The following TXNRD1 variants were observed in gnomAD, a reference collection of about 807,000 sequenced individuals.
TXNRD1 encodes thioredoxin reductase 1.
In TXNRD1, 57 loss-of-function variants were observed where a neutral mutation model predicts 80.3. The observed-to-expected ratio is 0.71, with a 90% CI of 0.57 to 0.89. The LOEUF is 0.89. Ranked by LOEUF, TXNRD1 falls within the 40% of genes least tolerant of loss-of-function variation. The pLI is 0.00. For missense variants in TXNRD1, 730 were observed against 803.0 expected (o/e 0.91, Z 1.10); for synonymous variants, 291 against 285.2 (o/e 1.02, Z -0.20).
intron 4 of TXNRD1, 147 bp downstream of exon 4, chr12:104,289,187 C>T: frequency 1.1e-6 from 1 of 881,708 alleles, no homozygotes; most frequent in Non-Finnish European, 1.7e-6. Flanking sequence ...CGTGGGCTAG[C>T]GCATGTGTTA....
chr12:104,313,135 C>A, intron 5 of TXNRD1, 110 bp from the exon 6 acceptor site: 2 of 742,178 alleles, frequency 2.7e-6, no homozygotes, highest in Non-Finnish European at 4.5e-6. Flanking sequence ...ATTAATTATT[C>A]GTTATGCTTT....
chr12:104,235,187 A>G (rs888711956), intron 1 of TXNRD1, among the ~76,000 whole-genome samples: 7 of 152,188 alleles, frequency 4.6e-5, no homozygotes, highest in African/African-American at 1.7e-4. Context: ...TTTTATCCCT[A>G]ATGCAGTCAG....
intron 4 of TXNRD1, among the ~76,000 whole-genome samples, chr12:104,303,516 A>T (rs1017398202): frequency 3.3e-5 from 5 of 152,076 alleles, no homozygotes; most frequent in African/African-American, 9.7e-5. Flanking sequence ...GTTTTTTTTT[A>T]AAGTGAGGTG....
At chr12:104,224,332 T>C (rs73394507) in intron 1 of TXNRD1, among the ~76,000 whole-genome samples, 7,452 of 152,136 alleles carry the variant, frequency 0.049, 222 homozygotes, top group Middle Eastern at 0.16. Context: ...GGACATATAG[T>C]GTATTGTGTA....
intron 3 of TXNRD1, among the ~76,000 whole-genome samples, chr12:104,288,303 C>T (rs947146277): frequency 2.6e-5 from 4 of 152,178 alleles, no homozygotes; most frequent in Admixed American, 2.6e-4. Context: ...ATGAATAGGC[C>T]TCATGTCAGT....
chr12:104,249,198 C>G (rs951491473), intron 1 of TXNRD1, among the ~76,000 whole-genome samples: 6 of 152,320 alleles, frequency 3.9e-5, no homozygotes, highest in Admixed American at 2.6e-4. Flanking sequence ...CTTCCTGATT[C>G]TCAGTAGGTA....
At chr12:104,315,727 TG>T (rs1404878387) in intron 6 of TXNRD1, 49 bp from the exon 7 acceptor site, 2 of 1,570,520 alleles carry the variant, frequency 1.3e-6, no homozygotes, top group Non-Finnish European at 8.7e-7. Flanking sequence ...TTTGAATGTT[TG>T]TAAGGCTTGG....
intron 3 of TXNRD1, chr12:104,287,317 C>G: frequency 1.2e-6 from 2 of 1,613,966 alleles, no homozygotes; most frequent in Non-Finnish European, 1.7e-6. Flanking sequence ...GGTTTCGACC[C>G]GGTCACACAA....
chr12:104,269,176 A>T (rs1442264004), intron 3 of TXNRD1, among the ~76,000 whole-genome samples: 4 of 152,068 alleles, frequency 2.6e-5, no homozygotes, highest in African/African-American at 7.2e-5. Flanking sequence ...AAGTGCTGGG[A>T]TTATAGGCGT....
chr12:104,340,636 G>A (rs2036291801), intron 16 of TXNRD1, among the ~76,000 whole-genome samples: 1 of 152,032 alleles, frequency 6.6e-6, no homozygotes, highest in Non-Finnish European at 1.5e-5. Flanking sequence ...CTCTTCACAT[G>A]GCCTCATCCC....
Position 104,289,991 on chromosome 12 carries a change from C to T in TXNRD1, c.414+951C>T, listed in dbSNP as rs1047367354. On this transcript the variant is annotated intron_variant, in intron 4 of 16. Coordinates refer to ENST00000525566, the MANE Select transcript of TXNRD1 (RefSeq NM_001093771.3). ...GGGAACAGGACACCTGGGTGATGTT[C>T]TATCTCACCTGTGGTAGATTACCAG... is the stretch of plus-strand genomic sequence containing the variant. Among the ~76,000 whole-genome samples, 2 of 152,230 alleles carry T rather than the reference C, an allele frequency of 1.3e-5. 1 individual carries two copies. Among genetic ancestry groups the T allele is most frequent in the African/African-American group, 4.8e-5 (2 of 41,454 alleles).
At chr12:104,292,395 C>CT (rs35461325) in intron 4 of TXNRD1, among the ~76,000 whole-genome samples, 1,858 of 146,002 alleles carry the variant, frequency 0.013, 41 homozygotes, top group African/African-American at 0.039. Flanking sequence ...GCCCCCCCGC[C>CT]TTTTTTTTTT....
intron 2 of TXNRD1, among the ~76,000 whole-genome samples, chr12:104,254,644 A>AAATATATATATATATATATATATATAT: frequency 6.4e-5 from 6 of 93,634 alleles, no homozygotes; most frequent in Admixed American, 1.3e-4. Flanking sequence ...AAAAAAAAAA[A>AAATATATATATATATATATATATATAT]ATATATATAT....
At chr12:104,309,987 C>G in intron 4 of TXNRD1, 1 of 1,536,292 alleles carries the variant, frequency 6.5e-7, no homozygotes, top group South Asian at 1.2e-5. Context: ...TCACATTGCT[C>G]CACCGCACCC....
intron 1 of TXNRD1, among the ~76,000 whole-genome samples, chr12:104,247,790 CA>C (rs1358434940): frequency 6.6e-6 from 1 of 152,148 alleles, no homozygotes; most frequent in African/African-American, 2.4e-5. Context: ...GTGCCCTTGG[CA>C]TAGATGTTAT....
At chr12:104,283,641 C>T (rs2135737202) in intron 3 of TXNRD1, among the ~76,000 whole-genome samples, 1 of 152,056 alleles carries the variant, frequency 6.6e-6, no homozygotes, top group South Asian at 2.1e-4. Context: ...GAGGCCGAGG[C>T]AGGCGGATCA....
intron 15 of TXNRD1, among the ~76,000 whole-genome samples, chr12:104,335,093 G>T (rs2036088509): frequency 6.6e-6 from 1 of 151,808 alleles, no homozygotes; most frequent in African/African-American, 2.4e-5. Flanking sequence ...TAAATCTAAT[G>T]TATTTTAAGT....
chr12:104,259,431 G>A (rs1284021886), intron 3 of TXNRD1, among the ~76,000 whole-genome samples: 2 of 150,656 alleles, frequency 1.3e-5, no homozygotes, highest in Non-Finnish European at 3.0e-5. Flanking sequence ...GATTCAACTA[G>A]ACAGAGAAAG....
intron 3 of TXNRD1, among the ~76,000 whole-genome samples, chr12:104,262,997 T>A (rs2033401898): frequency 6.6e-6 from 1 of 152,144 alleles, no homozygotes; most frequent in Admixed American, 6.6e-5. Context: ...TTTGGCTGTA[T>A]TTTGGCCAGT....
Sources: allele counts gnomAD v4.1 joint callset (sites outside exome capture counted in the v4.1 genomes callset), GRCh38; gene constraint gnomAD v4.1.1; transcripts MANE v1.5; gene names NCBI Gene and HGNC (gene_info 2026-07-23, HGNC 2026-07-21).